DPF3: variants seen among roughly 807,000 people sequenced by gnomAD.
The protein encoded by DPF3 is double PHD fingers 3.
In DPF3, 18 loss-of-function variants were observed where a neutral mutation model predicts 56.8. That is an observed-to-expected ratio of 0.32 (90% CI 0.22 to 0.47). DPF3 has a LOEUF of 0.47. DPF3 is among the 20% of genes least tolerant of loss of function. The pLI is 1.00. For synonymous variants in DPF3, 188 were observed against 180.2 expected, an observed-to-expected ratio of 1.04 and a Z score of -0.35; for missense variants, 403 against 488.8, an observed-to-expected ratio of 0.82 and a Z score of 1.65.
chr14:72,640,705 C>T lies in DPF3; in HGVS notation c.872-10969G>A, dbSNP rs556326175. ...GATGATAAAACTGTTAGCAGAGATG[C>T]GACTTGCAGAGTATAACAATGGATT... On this transcript the variant is annotated intron_variant, in intron 8 of 10. Transcript: ENST00000556509. Among the ~76,000 whole-genome samples the T allele has an allele frequency of 3.3e-5, 5 of 152,262 alleles. No homozygotes were observed. The South Asian group carries it at 6.2e-4, about 19-fold the overall frequency.
rs986837922 is a variant in DPF3 at position 72,670,995 on chromosome 14, G to A, written c.871+3245C>T. 142 of 1,433,034 alleles carry A rather than the reference G, an allele frequency of 9.9e-5. No individual in the cohort carries two copies. The East Asian group carries it at 2.0e-3, about 20-fold the overall frequency. The allele number at this position is 1,433,034 out of a possible 1,614,324, so 88.8% of individuals were successfully genotyped here. On this transcript the variant is annotated intron_variant, in intron 8 of 10. Coordinates refer to ENST00000556509, the MANE Select transcript of DPF3 (RefSeq NM_001280542.3). ...GGTGGGGGGAGGGATGGAGGGACAC[G>A]TGGGAGGTGAAGGGAAAAAAAGCAA...
intron 2 of DPF3, among the ~76,000 whole-genome samples, chr14:72,754,921 C>A (rs868602077): frequency 3.3e-5 from 5 of 152,184 alleles, no homozygotes; most frequent in Admixed American, 6.5e-5. Flanking sequence ...ACCACCCCAC[C>A]CCTTTGGTTC....
intron 4 of DPF3, among the ~76,000 whole-genome samples, chr14:72,725,896 T>C (rs1171935253): frequency 6.6e-6 from 1 of 152,194 alleles, no homozygotes; most frequent in Non-Finnish European, 1.5e-5. Context: ...TCTAGTAAAT[T>C]CTTCTTTGCC....
chr14:72,754,538 T>G (rs963750620), intron 2 of DPF3, among the ~76,000 whole-genome samples: 1 of 152,190 alleles, frequency 6.6e-6, no homozygotes, highest in Non-Finnish European at 1.5e-5. Flanking sequence ...TGCAGGTAAA[T>G]GTGGCACATG....
intron 7 of DPF3, among the ~76,000 whole-genome samples, chr14:72,685,177 A>G (rs1208962136): frequency 6.6e-6 from 1 of 151,966 alleles, no homozygotes; most frequent in Non-Finnish European, 1.5e-5. Flanking sequence ...AGCATGATGC[A>G]TTAGACAACT....
At chr14:72,725,917 G>A (rs1889389919) in intron 4 of DPF3, among the ~76,000 whole-genome samples, 1 of 152,172 alleles carries the variant, frequency 6.6e-6, no homozygotes, top group South Asian at 2.1e-4. Context: ...TTTTCTACTA[G>A]GTTTATTTGG....
intron 7 of DPF3, among the ~76,000 whole-genome samples, chr14:72,678,347 A>T (rs1176753181): frequency 6.6e-6 from 1 of 152,232 alleles, no homozygotes; most frequent in Non-Finnish European, 1.5e-5. Context: ...ACGAAGCCCA[A>T]AGCTATAAAA....
At chr14:72,720,508 G>A (rs1889124118) in intron 5 of DPF3, among the ~76,000 whole-genome samples, 1 of 152,172 alleles carries the variant, frequency 6.6e-6, no homozygotes, top group Non-Finnish European at 1.5e-5. Flanking sequence ...CCATTCAGCT[G>A]CTGCTTGGCC....
intron 1 of DPF3, among the ~76,000 whole-genome samples, chr14:72,876,968 G>A (rs940643350): frequency 6.6e-6 from 1 of 152,160 alleles, no homozygotes; most frequent in African/African-American, 2.4e-5. Context: ...AGATTGAGTG[G>A]GCCCTCCTTG....
chr14:72,760,304 C>T (rs1045195079), intron 2 of DPF3, among the ~76,000 whole-genome samples: 2 of 152,138 alleles, frequency 1.3e-5, no homozygotes, highest in Admixed American at 1.3e-4. Flanking sequence ...AACCCCATCT[C>T]GACTAAAAAT....
intron 1 of DPF3, among the ~76,000 whole-genome samples, chr14:72,808,926 G>C (rs1882910809): frequency 2.0e-5 from 3 of 152,256 alleles, no homozygotes; most frequent in Admixed American, 2.0e-4. Context: ...ACCCAGGCAA[G>C]TGATTTTACC....
intron 1 of DPF3, among the ~76,000 whole-genome samples, chr14:72,810,470 G>C (rs1882992013): frequency 6.6e-6 from 1 of 152,162 alleles, no homozygotes; most frequent in Admixed American, 6.5e-5. Context: ...GAGGAAGGTG[G>C]GCGTGTGTGG....
intron 8 of DPF3, among the ~76,000 whole-genome samples, chr14:72,672,044 CACACACACACACACAG>C (rs1427059853): frequency 8.6e-6 from 1 of 116,112 alleles, no homozygotes; most frequent in African/African-American, 3.5e-5. Context: ...CACACACACA[CACACACACACACACAG>C]ACACACACAC....
chr14:72,706,695 C>G (rs764254021), intron 6 of DPF3, among the ~76,000 whole-genome samples: 1 of 152,164 alleles, frequency 6.6e-6, no homozygotes, highest in Non-Finnish European at 1.5e-5. Flanking sequence ...TTCCTATACT[C>G]CCCACCATGA....
At chr14:72,690,625 A>G (rs941639442) in intron 7 of DPF3, among the ~76,000 whole-genome samples, 2 of 151,770 alleles carry the variant, frequency 1.3e-5, no homozygotes. Context: ...GCACACACAC[A>G]CACATACACG....
chr14:72,619,497 G>A, intron 10 of DPF3, 130 bp from the exon 11 acceptor site: 2 of 1,022,518 alleles, frequency 2.0e-6, no homozygotes, highest in Non-Finnish European at 2.8e-6. Flanking sequence ...TCCCAGGCCT[G>A]AAAACGTGCC....
intron 1 of DPF3, among the ~76,000 whole-genome samples, chr14:72,799,539 C>T (rs1892780440): frequency 6.6e-6 from 1 of 152,058 alleles, no homozygotes; most frequent in Admixed American, 6.6e-5. Flanking sequence ...ACCTGTAGTC[C>T]CAGCTACTCT....
At position 72,835,042 on chromosome 14, in the gene DPF3, G is replaced by C. The variant is rs1415102873; in HGVS notation, c.32+59015C>G. ...AGCAGATTAGTGGTTACCAGGGGTA[G>C]AGGGGACAGGGGAGTGGGGAGTGTC... On this transcript the variant is annotated intron_variant, in intron 1 of 10. Coordinates refer to ENST00000556509, the MANE Select transcript of DPF3 (RefSeq NM_001280542.3). 2.6e-5 allele frequency among the ~76,000 whole-genome samples: 4 copies of C among 152,100 alleles called. No individual in the cohort carries two copies. In the East Asian group the frequency reaches 7.7e-4, roughly 29 times the overall value.
chr14:72,807,735 G>A (rs564696977), intron 1 of DPF3, among the ~76,000 whole-genome samples: 10 of 152,096 alleles, frequency 6.6e-5, no homozygotes, highest in Non-Finnish European at 1.5e-4. Context: ...ACAAGGTACC[G>A]CCAAGAGACA....
Sources: gnomAD v4.1 joint callset for allele counts (sites outside exome capture counted in the v4.1 genomes callset) on GRCh38, gnomAD v4.1.1 for gene constraint, MANE v1.5 for transcripts, NCBI Gene and HGNC (gene_info 2026-07-23, HGNC 2026-07-21) for gene names.